Variants in ZMIZ1 observed in about 807,000 individuals in gnomAD.
ZMIZ1 encodes the protein zinc finger MIZ-type containing 1, also known as zinc finger MIZ domain-containing protein 1.
In ZMIZ1, 17 loss-of-function variants were observed where a neutral mutation model predicts 113.9. The observed-to-expected ratio is 0.15, with a 90% CI of 0.10 to 0.22. The LOEUF is 0.22. Among genes scored for constraint, ZMIZ1 ranks in the 10% least tolerant of loss-of-function variants. ZMIZ1 has a pLI of 1.00. For synonymous variants in ZMIZ1, 607 were observed against 603.1 expected, an observed-to-expected ratio of 1.01 and a Z score of -0.09; for missense variants, 1,059 against 1,477.8, an observed-to-expected ratio of 0.72 and a Z score of 4.65.
chr10:79,267,480 C>T (rs1455492880), intron 7 of ZMIZ1, among the ~76,000 whole-genome samples: 2 of 152,222 alleles, frequency 1.3e-5, no homozygotes, highest in Non-Finnish European at 2.9e-5. Context: ...ATTGTACCAA[C>T]ATTCTATGTA....
At position 79,118,375 on chromosome 10, in the gene ZMIZ1, A is replaced by G. The variant is rs1026117117; in HGVS notation, c.-336-540A>G. Among the ~76,000 whole-genome samples, 10 of 152,154 alleles carry G rather than the reference A, an allele frequency of 6.6e-5. No individual in the cohort carries two copies. The highest frequency in any genetic ancestry group is 5.2e-4 in the Admixed American group (8 of 15,280). On this transcript the variant is annotated intron_variant, in intron 1 of 24. Coordinates refer to ENST00000334512, the MANE Select transcript of ZMIZ1 (RefSeq NM_020338.4). The surrounding 1 kb of genome is among the most constrained non-coding windows in gnomAD (Gnocchi z 4.1). ...AGAGAGAAACTAGACTTCACTCCCAATGTCCAGGAGCTGGGCCTGGAGCGG... is the reference window on the plus strand; with the variant it reads ...AGAGAGAAACTAGACTTCACTCCCAGTGTCCAGGAGCTGGGCCTGGAGCGG...
chr10:79,230,747 G>A (rs768471960), intron 7 of ZMIZ1, among the ~76,000 whole-genome samples: 9 of 152,252 alleles, frequency 5.9e-5, no homozygotes, highest in South Asian at 2.1e-4. Context: ...TTGATTGTCC[G>A]CCCGTGTGGA....
At chr10:79,307,704 A>AG in intron 23 of ZMIZ1, 133 bp downstream of exon 23, 1 of 1,071,226 alleles carries the variant, frequency 9.3e-7, no homozygotes, top group Non-Finnish European at 1.3e-6. Flanking sequence ...ATGGAATAGG[A>AG]GGGGTCTAAC....
chr10:79,201,776 A>G lies in ZMIZ1; in HGVS notation c.60+84A>G, dbSNP rs983700843. 41 of 1,479,364 alleles carry G rather than the reference A, an allele frequency of 2.8e-5. No individual in the cohort carries two copies. In the Middle Eastern group the frequency reaches 7.1e-4, roughly 26 times the overall value. 91.6% of individuals were successfully genotyped at this position (1,479,364 alleles called of 1,614,324 possible). ...AGGGCATCTGGTGGGTTCTGGCTGG[A>G]GACGATGGCAGGGCCTCCTGACCAC... On this transcript the variant is annotated intron_variant, in intron 5 of 24. Transcript: ENST00000334512.
At position 79,175,583 on chromosome 10, in the gene ZMIZ1, CGTGTGTGTGT is replaced by C. The variant is rs757004699; in HGVS notation, c.-50+13488_-50+13497del. On this transcript the variant is annotated intron_variant, in intron 4 of 24. Coordinates refer to ENST00000334512, the MANE Select transcript of ZMIZ1 (RefSeq NM_020338.4). ...GGACTTCTCTAATCTGTGCACTCTG[CGTGTGTGTGT>C]GTGTGTGTGTGTGTGTGTGTGTGTG... 7.3e-3 allele frequency among the ~76,000 whole-genome samples: 916 copies of C among 125,372 alleles called. 10 individuals carry two copies. The highest frequency in any genetic ancestry group is 0.016 in the South Asian group (60 of 3,652). The allele number at this position is 125,372 out of a possible 152,430, so 82.2% of individuals were successfully genotyped here. A position where few individuals can be genotyped will look rare whatever the true frequency, so the allele number is the denominator to read the frequency against.
chr10:79,163,688 A>G lies in ZMIZ1; in HGVS notation c.-50+1555A>G, dbSNP rs902944660. ...ACCAGTGCATAAGGCCTTAGAGGCC[A>G]GGGGCGGGGCCCCAGGACAAGCATG... On this transcript the variant is annotated intron_variant, in intron 4 of 24. Coordinates refer to ENST00000334512, the MANE Select transcript of ZMIZ1 (RefSeq NM_020338.4). Among the ~76,000 whole-genome samples the G allele has an allele frequency of 4.6e-5, 7 of 152,376 alleles. No homozygotes were observed. In the East Asian group the frequency reaches 1.2e-3, roughly 25 times the overall value.
chr10:79,298,692 A>G, intron 15 of ZMIZ1, 112 bp downstream of exon 15: 3 of 1,028,070 alleles, frequency 2.9e-6, no homozygotes, highest in Non-Finnish European at 4.2e-6. Flanking sequence ...AGGGGCAGAG[A>G]GTTGAGAGCA....
chr10:79,169,962 C>G (rs571826101), intron 4 of ZMIZ1, among the ~76,000 whole-genome samples: 1 of 152,312 alleles, frequency 6.6e-6, no homozygotes, highest in Admixed American at 6.5e-5. Flanking sequence ...GACAATGGAC[C>G]CCCAGGTCTT....
At chr10:79,309,271 A>C (rs1031555379) in intron 23 of ZMIZ1, among the ~76,000 whole-genome samples, 1 of 152,156 alleles carries the variant, frequency 6.6e-6, no homozygotes, top group African/African-American at 2.4e-5. Context: ...CATGCCGGAG[A>C]CATTCCAGCC....
At chr10:79,158,006 C>T (rs1454322273) in intron 3 of ZMIZ1, among the ~76,000 whole-genome samples, 1 of 152,198 alleles carries the variant, frequency 6.6e-6, no homozygotes, top group East Asian at 1.9e-4. Context: ...CTGGTTCCGC[C>T]AGCTTGGCCA....
intron 7 of ZMIZ1, among the ~76,000 whole-genome samples, chr10:79,230,935 A>G (rs1849370392): frequency 2.0e-5 from 3 of 152,352 alleles, no homozygotes; most frequent in Admixed American, 6.5e-5. Flanking sequence ...AGGTGGCCCC[A>G]TGGGTCAAGG....
rs115679729 is a variant in ZMIZ1, at chr10:79,178,338, T to C, written c.-50+16205T>C. ...CAGGTGTGGCCACGCAGTCCCTTAC[T>C]CAGTTGGTCGTGAACAGAGTGCCTA... is the stretch of plus-strand genomic sequence containing the variant. On this transcript the variant is annotated intron_variant, in intron 4 of 24. Coordinates refer to ENST00000334512, the MANE Select transcript of ZMIZ1 (RefSeq NM_020338.4). Among the ~76,000 whole-genome samples, 1,307 of 152,338 alleles carry C rather than the reference T, an allele frequency of 8.6e-3. 23 individuals carry two copies. Among genetic ancestry groups the C allele is most frequent in the African/African-American group, 0.029 (1,209 of 41,574 alleles).
chr10:79,117,780 T>C (rs941530452), intron 1 of ZMIZ1, among the ~76,000 whole-genome samples: 2 of 152,050 alleles, frequency 1.3e-5, no homozygotes, highest in Admixed American at 6.6e-5. Flanking sequence ...GGGCTGGAGG[T>C]GCATCTTGTG....
intron 7 of ZMIZ1, among the ~76,000 whole-genome samples, chr10:79,242,856 G>GGCGTGCACCA (rs1272049062): frequency 1.3e-5 from 2 of 152,106 alleles, no homozygotes; most frequent in African/African-American, 2.4e-5. Flanking sequence ...GCTCGGCAGC[G>GGCGTGCACCA]GCGTGCACCA....
At chr10:79,213,282 G>C (rs1396885063) in intron 6 of ZMIZ1, among the ~76,000 whole-genome samples, 1 of 152,202 alleles carries the variant, frequency 6.6e-6, no homozygotes, top group Non-Finnish European at 1.5e-5. Context: ...AGAACTTTCT[G>C]GGGGTCCTCA....
intron 4 of ZMIZ1, among the ~76,000 whole-genome samples, chr10:79,178,316 G>C (rs1211493165): frequency 6.6e-6 from 1 of 152,206 alleles, no homozygotes; most frequent in Non-Finnish European, 1.5e-5. Context: ...CAACCTGCAG[G>C]TGTGGCCACG....
intron 7 of ZMIZ1, among the ~76,000 whole-genome samples, chr10:79,240,330 G>C (rs1849767277): frequency 6.6e-6 from 1 of 152,238 alleles, no homozygotes; most frequent in African/African-American, 2.4e-5. Flanking sequence ...CCTTATCAAG[G>C]GGGTGGAGCG....
rs547850562 is a variant in ZMIZ1, at chr10:79,306,440, G to C, written c.2668+96G>C. 7.2e-6 allele frequency: 11 copies of C among 1,533,238 alleles called. No homozygotes were observed. The South Asian group carries it at 1.4e-4, about 19-fold the overall frequency. The allele number at this position is 1,533,238 out of a possible 1,614,324, so 95.0% of individuals were successfully genotyped here. A position where few individuals can be genotyped will look rare whatever the true frequency, so the allele number is the denominator to read the frequency against. ...CTGTGCTGATGGTGGCAGGGGTCGGGGGTGTGGTTGAAGAGAGAGAAGTAA... is the reference window on the plus strand; with the variant it reads ...CTGTGCTGATGGTGGCAGGGGTCGGCGGTGTGGTTGAAGAGAGAGAAGTAA... On this transcript the variant is annotated intron_variant, in intron 22 of 24. Coordinates refer to ENST00000334512, the MANE Select transcript of ZMIZ1 (RefSeq NM_020338.4).
At chr10:79,312,185 T>G (rs767629212) in intron 24 of ZMIZ1, among the ~76,000 whole-genome samples, 114 of 152,008 alleles carry the variant, frequency 7.5e-4, no homozygotes, top group Non-Finnish European at 1.3e-3. Context: ...CACCAAGGAG[T>G]GGCGAGCCCT....
Sources: gnomAD v4.1 joint callset for allele counts (sites outside exome capture counted in the v4.1 genomes callset) on GRCh38, gnomAD v4.1.1 for gene constraint, Gnocchi (gnomAD v3.1) non-coding constraint, MANE v1.5 for transcripts, NCBI Gene and HGNC (gene_info 2026-07-23, HGNC 2026-07-21) for gene names.